PIEZO2: variants seen among roughly 807,000 people sequenced by gnomAD.
PIEZO2 encodes the protein piezo type mechanosensitive ion channel component 2, also known as piezo-type mechanosensitive ion channel component 2.
In PIEZO2, 172 loss-of-function variants were observed where a neutral mutation model predicts 337.3. The observed-to-expected ratio is 0.51, with a 90% CI of 0.45 to 0.58. The LOEUF is 0.58. Among genes scored for constraint, PIEZO2 ranks in the 20% least tolerant of loss-of-function variants. PIEZO2 has a pLI of 0.00. For synonymous variants in PIEZO2, 1,251 were observed against 1,228.5 expected (o/e 1.02, Z -0.38); for missense variants, 3,028 against 3,391.3 (o/e 0.89, Z 2.66).
chr18:11,033,802 G>A lies in PIEZO2; in HGVS notation c.160+32325C>T, dbSNP rs911616642. On this transcript the variant is annotated intron_variant, in intron 2 of 55. Coordinates refer to ENST00000674853, the MANE Select transcript of PIEZO2 (RefSeq NM_001378183.1). This position sits in a 1 kb window ranked among gnomAD's most constrained non-coding sequence, Gnocchi z 4.2. ...GTATCCGACCGAACAAGCTTGGGAT[G>A]CTCAACATAATGGAGTGCATAATCA... Among the ~76,000 whole-genome samples, 2 of 152,110 alleles carry A rather than the reference G, an allele frequency of 1.3e-5. No individual in the cohort carries two copies. The highest frequency in any genetic ancestry group is 4.8e-5 in the African/African-American group (2 of 41,406).
intron 7 of PIEZO2, among the ~76,000 whole-genome samples, chr18:10,811,750 A>G (rs2040197082): frequency 6.6e-6 from 1 of 152,268 alleles, no homozygotes; most frequent in East Asian, 1.9e-4. Context: ...ACTGGCTATT[A>G]ACAAACATTT....
chr18:10,991,979 A>T (rs759373529), intron 2 of PIEZO2, among the ~76,000 whole-genome samples: 23 of 152,220 alleles, frequency 1.5e-4, no homozygotes, highest in Non-Finnish European at 2.6e-4. Flanking sequence ...TCTAATGTCC[A>T]GTGATGATGA....
At chr18:10,924,175 G>A (rs2031587062) in intron 3 of PIEZO2, among the ~76,000 whole-genome samples, 1 of 152,194 alleles carries the variant, frequency 6.6e-6, no homozygotes, top group Admixed American at 6.5e-5. Context: ...TACACACTCT[G>A]AAGCAAAAGT....
chr18:10,843,006 A>G (rs1367726790), intron 7 of PIEZO2, among the ~76,000 whole-genome samples: 2 of 152,236 alleles, frequency 1.3e-5, no homozygotes, highest in Admixed American at 6.5e-5. Flanking sequence ...TAAAAAGCAG[A>G]TAAAACAGCA....
intron 4 of PIEZO2, among the ~76,000 whole-genome samples, chr18:10,898,400 G>A (rs929382346): frequency 2.6e-5 from 4 of 151,834 alleles, no homozygotes; most frequent in African/African-American, 9.7e-5. Flanking sequence ...CAGCCTGGGC[G>A]ACAGAGCGAG....
In PIEZO2 at chr18:10,903,608, G is replaced by A. The variant is rs867509827; in HGVS notation, c.329+7578C>T. Among the ~76,000 whole-genome samples the A allele has an allele frequency of 1.3e-5, 2 of 151,346 alleles. No homozygotes were observed. Among genetic ancestry groups the A allele is most frequent in the African/African-American group, 2.4e-5 (1 of 41,104 alleles). On this transcript the variant is annotated intron_variant, in intron 4 of 55. Transcript: ENST00000674853. The surrounding 1 kb of genome is among the most constrained non-coding windows in gnomAD (Gnocchi z 4.1). Reference sequence around the variant, plus strand: ...TGGCATGAACCCAGGAGGAGGCAGAGCTTGCAGTGAGCCGAGATCACACCA... The same window carrying A: ...TGGCATGAACCCAGGAGGAGGCAGAACTTGCAGTGAGCCGAGATCACACCA...
At chr18:10,728,738 G>A (rs1259170820) in intron 36 of PIEZO2, among the ~76,000 whole-genome samples, 3 of 151,832 alleles carry the variant, frequency 2.0e-5, no homozygotes, top group Non-Finnish European at 4.4e-5. Flanking sequence ...GGCGGATCAT[G>A]AGGTCAGAAG....
rs2036722034 is a variant in PIEZO2 at position 11,031,130 on chromosome 18, C to T, written c.160+34997G>A. 6.6e-6 allele frequency among the ~76,000 whole-genome samples: 1 copy of T among 151,754 alleles called. No individual in the cohort carries two copies. Among genetic ancestry groups the T allele is most frequent in the Non-Finnish European group, 1.5e-5 (1 of 67,988 alleles). ...TCAGCCTCTCGAGTTTCTGGGACTA[C>T]AGGCGCCTGCCACCATGCCTGGCTA... On this transcript the variant is annotated intron_variant, in intron 2 of 55. Transcript: ENST00000674853. This position sits in a 1 kb window ranked among gnomAD's most constrained non-coding sequence, Gnocchi z 4.7.
intron 5 of PIEZO2, among the ~76,000 whole-genome samples, chr18:10,860,244 C>T (rs142137388): frequency 6.6e-6 from 1 of 152,238 alleles, no homozygotes; most frequent in Non-Finnish European, 1.5e-5. Flanking sequence ...GGAGGGAATA[C>T]AGAGATGGCC....
At chr18:11,098,629 T>C (rs1161986816) in intron 1 of PIEZO2, among the ~76,000 whole-genome samples, 1 of 151,188 alleles carries the variant, frequency 6.6e-6, no homozygotes, top group Non-Finnish European at 1.5e-5. Flanking sequence ...GTTTAGGTCA[T>C]GAGGGCTCCC....
chr18:10,890,888 C>T (rs567700788), intron 4 of PIEZO2, among the ~76,000 whole-genome samples: 16 of 152,272 alleles, frequency 1.1e-4, no homozygotes, highest in African/African-American at 3.6e-4. Context: ...ATAAAATAAA[C>T]TTAGTGGGAA....
intron 36 of PIEZO2, among the ~76,000 whole-genome samples, chr18:10,728,751 C>G (rs1448260241): frequency 2.6e-5 from 4 of 151,562 alleles, no homozygotes; most frequent in African/African-American, 9.7e-5. Flanking sequence ...GTCAGAAGAT[C>G]GAGACCATCC....
At position 10,715,739 on chromosome 18, in the gene PIEZO2, T is replaced by C. The variant is rs2035985106; in HGVS notation, c.5167A>G (p.Thr1723Ala). Reference protein sequence around the residue: ...LFLATVDSFTTWLNSISREHI... With the variant: ...LFLATVDSFTAWLNSISREHI... ...TCCCTTGAAATGGAGTTAAGCCAAGTAGTGAAACTGTCCACTGTTGCCAGA... is the reference window on the plus strand; with the variant it reads ...TCCCTTGAAATGGAGTTAAGCCAAGCAGTGAAACTGTCCACTGTTGCCAGA... Residue 1723 changes from threonine to alanine, a missense_variant, in exon 38 of 56, where the codon ACT becomes GCT. Around this residue, in one of 5 missense-constraint regions of PIEZO2, gnomAD observed 1,925 missense variants for 2,051.9 expected, o/e 0.94. Coordinates refer to ENST00000674853, the MANE Select transcript of PIEZO2 (RefSeq NM_001378183.1). 2 of 1,535,706 alleles carry C rather than the reference T, an allele frequency of 1.3e-6. No homozygotes were observed. Among genetic ancestry groups the C allele is most frequent in the Non-Finnish European group, 1.7e-6 (2 of 1,145,736 alleles).
intron 49 of PIEZO2, among the ~76,000 whole-genome samples, chr18:10,685,406 T>C (rs988971512): frequency 4.6e-5 from 7 of 152,214 alleles, no homozygotes; most frequent in Non-Finnish European, 8.8e-5. Context: ...TAGCATAGGA[T>C]GGAAGTATAT....
chr18:10,771,264 A>T (rs2038594696), intron 20 of PIEZO2, among the ~76,000 whole-genome samples: 1 of 152,258 alleles, frequency 6.6e-6, no homozygotes, highest in Non-Finnish European at 1.5e-5. Flanking sequence ...TCCTTGTCAG[A>T]ACAAGAAGTG....
Position 10,815,924 on chromosome 18 carries a change from A to C in PIEZO2, c.918-8650T>G, listed in dbSNP as rs570732034. Among the ~76,000 whole-genome samples the C allele has an allele frequency of 2.0e-5, 3 of 152,272 alleles. No individual in the cohort carries two copies. The highest frequency in any genetic ancestry group is 7.2e-5 in the African/African-American group (3 of 41,552). ...TTATTCGCTCCTTACAGGTCCACAA[A>C]ATTGCACCCAGCACACGTCAGTGGA... On this transcript the variant is annotated intron_variant, in intron 7 of 55. Coordinates refer to ENST00000674853, the MANE Select transcript of PIEZO2 (RefSeq NM_001378183.1). The surrounding 1 kb of genome is among the most constrained non-coding windows in gnomAD (Gnocchi z 4.1).
rs547825168 is a variant in PIEZO2 at position 10,847,579 on chromosome 18, C to T, written c.917+7774G>A. Among the ~76,000 whole-genome samples, 77 of 152,240 alleles carry T rather than the reference C, an allele frequency of 5.1e-4. No homozygotes were observed. Among genetic ancestry groups the T allele is most frequent in the African/African-American group, 1.8e-3 (73 of 41,542 alleles). On this transcript the variant is annotated intron_variant, in intron 7 of 55. Transcript: ENST00000674853. The surrounding 1 kb of genome is among the most constrained non-coding windows in gnomAD (Gnocchi z 5.7). ...AGGACACCTCATTGCCCTGGGATCC[C>T]GGTCCCCACTACACCCACGTAGGCC...
At chr18:10,754,193 GA>G (rs2037750282) in intron 27 of PIEZO2, among the ~76,000 whole-genome samples, 1 of 152,250 alleles carries the variant, frequency 6.6e-6, no homozygotes, top group Non-Finnish European at 1.5e-5. Flanking sequence ...AGATAACATG[GA>G]AAACATTGAT....
rs1268931083 is a variant in PIEZO2, at chr18:10,859,920, GT to G, written c.493-2710del. 5.9e-5 allele frequency among the ~76,000 whole-genome samples: 9 copies of G among 152,154 alleles called. No individual in the cohort carries two copies. The highest frequency in any genetic ancestry group is 5.9e-4 in the Admixed American group (9 of 15,276). ...AGTGAAGATCCTGTCTTTGGAGTCT[GT>G]TTTGGAGGTTAGATTAGTAGGTGCA... is the stretch of plus-strand genomic sequence containing the variant. On this transcript the variant is annotated intron_variant, in intron 5 of 55. Transcript: ENST00000674853. This position sits in a 1 kb window ranked among gnomAD's most constrained non-coding sequence, Gnocchi z 4.9.
Sources: allele counts gnomAD v4.1 joint callset (sites outside exome capture counted in the v4.1 genomes callset), GRCh38; gene constraint gnomAD v4.1.1; regional missense constraint gnomAD v4.1.1; non-coding constraint Gnocchi (gnomAD v3.1); transcripts MANE v1.5; gene names NCBI Gene and HGNC (gene_info 2026-07-23, HGNC 2026-07-21).